The following CFLAR variants were observed in gnomAD, a reference collection of about 807,000 sequenced individuals.
CFLAR encodes CASP8 and FADD like apoptosis regulator, also known as CASP8 and FADD-like apoptosis regulator.
Under a neutral mutation model 51.1 loss-of-function variants are expected in CFLAR, and 14 were observed. The observed-to-expected ratio is 0.27, with a 90% confidence interval of 0.18 to 0.43. The LOEUF (loss-of-function observed/expected upper bound fraction) is 0.43. Ranked by LOEUF, CFLAR falls within the 20% of genes least tolerant of loss-of-function variation. The probability of loss-of-function intolerance (pLI) is 1.00; values close to 1 mark genes in which losing one functional copy is unlikely to be tolerated. For synonymous variants in CFLAR, 210 were observed against 211.6 expected, an observed-to-expected ratio of 0.99 and a Z score of 0.06; for missense variants, 390 against 566.5, an observed-to-expected ratio of 0.69 and a Z score of 3.16.
At position 201,160,441 on chromosome 2, in the gene CFLAR, G is replaced by T; in HGVS notation, c.803G>T (p.Arg268Leu). The T allele has an allele frequency of 6.2e-7, 1 of 1,611,148 alleles. No homozygotes were observed. Among genetic ancestry groups the T allele is most frequent in the South Asian group, 1.1e-5 (1 of 91,002 alleles). Residue 268 changes from arginine (R) to leucine (L), a missense_variant, in exon 9 of 10, where the codon CGA (arginine) becomes CTA (leucine). Coordinates refer to ENST00000309955, the MANE Select transcript of CFLAR (RefSeq NM_003879.7). ...TTTTTGTTTTCCCCAGAGCTTCTTC[G>T]AGACACCTTCACTTCCCTGGGCTAT... ...DCIGNETELL[R>L]DTFTSLGYEV...
chr2:201,148,827 G>T, intron 6 of CFLAR, 176 bp from the exon 7 acceptor site: 1 of 542,356 alleles, frequency 1.8e-6, no homozygotes, highest in Non-Finnish European at 3.4e-6. Flanking sequence ...GTTTTCTTAT[G>T]TCACTTTCTT....
intron 4 of CFLAR, 164 bp from the exon 5 acceptor site, chr2:201,140,193 A>G: frequency 1.3e-6 from 1 of 750,602 alleles, no homozygotes; most frequent in Non-Finnish European, 2.1e-6. Context: ...ATTCTTCATG[A>G]TGTTTGGTCG....
rs1269965477 is a variant in CFLAR at position 201,174,224 on chromosome 2, CT to C, written c.*10252del. 1 of 152,088 alleles carries C rather than the reference CT, an allele frequency of 6.6e-6. No homozygotes were observed. Among genetic ancestry groups the C allele is most frequent in the Non-Finnish European group, 1.5e-5 (1 of 68,020 alleles). 9.4% of individuals were successfully genotyped at this position (152,088 alleles called of 1,614,324 possible). A position where few individuals can be genotyped will look rare whatever the true frequency, so the allele number is the denominator to read the frequency against. ...ATCAATTGCCTATGAGGTGTTACCCCTATGTTTTCTTCTAAAGTTTTATGAT... is the reference window on the plus strand; with the variant it reads ...ATCAATTGCCTATGAGGTGTTACCCCATGTTTTCTTCTAAAGTTTTATGAT... On this transcript the variant is annotated 3_prime_UTR_variant, in exon 10 of 10. Transcript: ENST00000309955.
Position 201,160,606 on chromosome 2 carries a change from G to T in CFLAR, c.968G>T (p.Gly323Val). 6.2e-7 allele frequency: 1 copy of T among 1,614,004 alleles called. No homozygotes were observed. Among genetic ancestry groups the T allele is most frequent in the Non-Finnish European group, 8.5e-7 (1 of 1,179,960 alleles). ...CGAGGAGGCTCCCAGAGTGTGTATG[G>T]TGTGGATCAGACTCACTCAGGGCTC... Reference protein sequence around the residue: ...VSRGGSQSVYGVDQTHSGLPL... With the variant: ...VSRGGSQSVYVVDQTHSGLPL... The change falls in exon 9 of 10, where the codon GGT becomes GTT. Residue 323 changes from glycine (G) to valine (V), a missense_variant. Transcript: ENST00000309955.
At chr2:201,117,594 C>A (rs1275669051) in intron 1 of CFLAR, among the ~76,000 whole-genome samples, 1 of 152,112 alleles carries the variant, frequency 6.6e-6, no homozygotes, top group Non-Finnish European at 1.5e-5. Context: ...CTGCGATAAT[C>A]TACAACAGAC....
At chr2:201,140,210 C>A in intron 4 of CFLAR, 147 bp from the exon 5 acceptor site, 1 of 905,590 alleles carries the variant, frequency 1.1e-6, no homozygotes, top group Non-Finnish European at 1.7e-6. Flanking sequence ...GTCGAAGAGT[C>A]ATCTGAAATT....
intron 9 of CFLAR, among the ~76,000 whole-genome samples, chr2:201,162,307 T>C (rs1311800662): frequency 6.6e-6 from 1 of 152,148 alleles, no homozygotes; most frequent in Non-Finnish European, 1.5e-5. Context: ...TTTCACCATG[T>C]TGGCCAGGCT....
chr2:201,127,066 C>T (rs2048782255), intron 1 of CFLAR, among the ~76,000 whole-genome samples: 1 of 151,886 alleles, frequency 6.6e-6, no homozygotes, highest in South Asian at 2.1e-4. Context: ...AAGGGGAATT[C>T]CTTTAAAATT....
At chr2:201,152,379 T>C (rs927784967) in intron 8 of CFLAR, among the ~76,000 whole-genome samples, 4 of 152,148 alleles carry the variant, frequency 2.6e-5, no homozygotes, top group Non-Finnish European at 5.9e-5. Context: ...GTTTCTCTTC[T>C]GTAAAGTGGG....
intron 6 of CFLAR, among the ~76,000 whole-genome samples, chr2:201,146,091 T>C (rs1940094787): frequency 6.6e-6 from 1 of 151,984 alleles, no homozygotes; most frequent in Admixed American, 6.6e-5. Flanking sequence ...CTCAGCCTCC[T>C]GAGTAGCTGG....
rs2049066701 is a variant in CFLAR, at chr2:201,129,791, G to T, written c.-75G>T. On this transcript the variant is annotated 5_prime_UTR_variant, in exon 2 of 10. Coordinates refer to ENST00000309955, the MANE Select transcript of CFLAR (RefSeq NM_003879.7). ...TCAGCCCTCAGAAATGAAGTTGACT[G>T]CCTGCTGGCTTTCTGTTGACTGGCC... The T allele has an allele frequency of 4.3e-6, 6 of 1,398,626 alleles. No individual in the cohort carries two copies. The highest frequency in any genetic ancestry group is 5.9e-6 in the Non-Finnish European group (6 of 1,012,784). The allele number at this position is 1,398,626 out of a possible 1,614,324, so 86.6% of individuals were successfully genotyped here.
chr2:201,144,483 G>A (rs1193278281), intron 5 of CFLAR, among the ~76,000 whole-genome samples: 1 of 152,194 alleles, frequency 6.6e-6, no homozygotes, highest in African/African-American at 2.4e-5. Flanking sequence ...CATGTGCTTG[G>A]CACTGTGCTG....
At chr2:201,140,472 A>G in intron 5 of CFLAR, 33 bp downstream of exon 5, 1 of 1,518,024 alleles carries the variant, frequency 6.6e-7, no homozygotes, top group Non-Finnish European at 8.9e-7. Context: ...GAATCCCAGC[A>G]TGAAACCGTT....
At position 201,134,307 on chromosome 2, in the gene CFLAR, CA is replaced by C. The variant is rs1226267803; in HGVS notation, c.387+1184del. 1.0e-3 allele frequency among the ~76,000 whole-genome samples: 150 copies of C among 145,214 alleles called. 2 individuals are homozygous for C. Among genetic ancestry groups the C allele is most frequent in the African/African-American group, 3.8e-3 (149 of 39,470 alleles). On this transcript the variant is annotated intron_variant, in intron 3 of 9. Transcript: ENST00000309955. The stretch of plus-strand genomic sequence containing the variant: ...TGGGCGACGGAGCAAGACTCTGTCT[CA>C]AAAAAAAAAATTTTTTTTAACTCCA...
chr2:201,157,750 A>AT (rs1174216589), intron 8 of CFLAR: 1 of 152,256 alleles, frequency 6.6e-6, no homozygotes, highest in African/African-American at 2.4e-5. Flanking sequence ...TCACACTGTC[A>AT]TTACCTTTTT....
Position 201,160,825 on chromosome 2 carries a change from A to G in CFLAR, c.1187A>G (p.His396Arg), listed in dbSNP as rs1368910166. 1 of 1,614,118 alleles carries G rather than the reference A, an allele frequency of 6.2e-7. No individual in the cohort carries two copies. Among genetic ancestry groups the G allele is most frequent in the Admixed American group, 1.7e-5 (1 of 60,010 alleles). ...KAQKRGLCTVHREADFFWSLC... is the reference protein window; with the variant it reads ...KAQKRGLCTVRREADFFWSLC... ...CAGAAGCGAGGGCTGTGCACAGTTC[A>G]CCGAGAAGCTGACTTCTTCTGGAGC... The change falls in exon 9 of 10, where the codon CAC becomes CGC. Residue 396 changes from histidine (H) to arginine (R), a missense_variant. By Grantham distance (29) the His-to-Arg change is conservative. This residue lies in a region of CFLAR where 287 missense variants were observed against 363.6 expected (regional missense o/e 0.79). Coordinates refer to ENST00000309955, the MANE Select transcript of CFLAR (RefSeq NM_003879.7).
chr2:201,145,661 G>T, intron 6 of CFLAR: 1 of 467,758 alleles, frequency 2.1e-6, no homozygotes, highest in South Asian at 3.1e-5. Flanking sequence ...CATCATCTTG[G>T]CCGTATGTTA....
At position 201,164,086 on chromosome 2, in the gene CFLAR, T is replaced by TGG; in HGVS notation, c.*113_*114insGG. On this transcript the variant is annotated 3_prime_UTR_variant, in exon 10 of 10. Transcript: ENST00000309955. ...TTCGAGACCAGCCTGGCCAACATGG[T>TGG]AAACGCTGTCCCTAGTAAAAATACA... 4 of 766,680 alleles carry TGG rather than the reference T, an allele frequency of 5.2e-6. No homozygotes were observed. The highest frequency in any genetic ancestry group is 1.9e-5 in the South Asian group (1 of 51,922). 47.5% of individuals were successfully genotyped at this position (766,680 alleles called of 1,614,324 possible).
Position 201,167,797 on chromosome 2 carries a change from C to G in CFLAR, c.*3824C>G, listed in dbSNP as rs1445358964. 1 of 152,222 alleles carries G rather than the reference C, an allele frequency of 6.6e-6. No individual in the cohort carries two copies. The highest frequency in any genetic ancestry group is 1.5e-5 in the Non-Finnish European group (1 of 68,038). The allele number at this position is 152,222 out of a possible 1,614,324, so 9.4% of individuals were successfully genotyped here. On this transcript the variant is annotated 3_prime_UTR_variant, in exon 10 of 10. Transcript: ENST00000309955. ...AGCTGGGTAGTGAGCAGCAAGAAGC[C>G]TTGTTGGATGAGGGCACGAAGGAGC...
Sources: gnomAD v4.1 joint callset for allele counts (sites outside exome capture counted in the v4.1 genomes callset) on GRCh38, gnomAD v4.1.1 for gene constraint, gnomAD v4.1.1 regional missense constraint, MANE v1.5 for transcripts, NCBI Gene and HGNC (gene_info 2026-07-23, HGNC 2026-07-21) for gene names.